The following SRL variants were observed in gnomAD, a reference collection of about 807,000 sequenced individuals.
The protein encoded by SRL is sarcalumenin.
SRL carries 23 observed loss-of-function variants against 39.5 expected under a neutral mutation model. The ratio of observed to expected loss-of-function variants is 0.58; its 90% CI spans 0.42 to 0.82. SRL has a LOEUF of 0.82. SRL is among the 40% of genes least tolerant of loss of function. The pLI is 0.00. For missense variants in SRL, 592 were observed against 607.8 expected (o/e 0.97, Z 0.27); for synonymous variants, 272 against 237.4 (o/e 1.15, Z -1.34).
At chr16:4,230,798 T>A (rs1014302475) in intron 1 of SRL, among the ~76,000 whole-genome samples, 1 of 151,960 alleles carries the variant, frequency 6.6e-6, no homozygotes, top group African/African-American at 2.4e-5. Context: ...CCTTAGGTGA[T>A]GAGGAGAGGA....
intron 4 of SRL, among the ~76,000 whole-genome samples, chr16:4,197,369 C>A (rs2052163045): frequency 6.7e-6 from 1 of 149,884 alleles, no homozygotes; most frequent in Non-Finnish European, 1.5e-5. Context: ...CCATGCACAG[C>A]CTTTTTCAAA....
At chr16:4,204,699 G>T in intron 1 of SRL, 65 bp from the exon 2 acceptor site, 1 of 1,438,796 alleles carries the variant, frequency 7.0e-7, no homozygotes, top group South Asian at 1.1e-5. Flanking sequence ...CTGGGCCCCG[G>T]CACAGCAGAC....
intron 1 of SRL, chr16:4,207,774 G>C (rs1015725230): frequency 1.1e-5 from 5 of 452,948 alleles, no homozygotes; most frequent in Admixed American, 4.8e-5. Context: ...TGGAGGGAGG[G>C]CGCTTGCCAC....
intron 2 of SRL, 47 bp from the exon 3 acceptor site, chr16:4,203,308 C>T (rs1365918667): frequency 5.9e-6 from 9 of 1,534,644 alleles, no homozygotes; most frequent in Middle Eastern, 1.8e-4. Context: ...AGGTGCGATC[C>T]AGGCAGCTCC....
chr16:4,192,855 G>A lies in SRL; in HGVS notation c.720C>T (p.Phe240=). The change falls in exon 6 of 6, where the codon TTC becomes TTT. Residue 240 remains phenylalanine, a synonymous_variant. Transcript: ENST00000399609. This position sits in a 1 kb window ranked among gnomAD's most constrained non-coding sequence, Gnocchi z 4.0. ...LDVGLELEML[F]RQLKGRESQI... The stretch of plus-strand genomic sequence containing the variant: ...GGGATTCACGCCCCTTCAACTGGCG[G>A]AAGAGCATCTCCAGCTCTAGACCCA... 2.5e-6 allele frequency: 4 copies of A among 1,614,180 alleles called. No individual in the cohort carries two copies. Among genetic ancestry groups the A allele is most frequent in the Non-Finnish European group, 3.4e-6 (4 of 1,180,042 alleles).
chr16:4,227,049 T>TG (rs1567188213), intron 1 of SRL, among the ~76,000 whole-genome samples: 13 of 124,838 alleles, frequency 1.0e-4, no homozygotes, highest in African/African-American at 4.0e-4. Context: ...GATGGATGGA[T>TG]GAATGGATGG....
chr16:4,229,907 G>C (rs1303436259), intron 1 of SRL, among the ~76,000 whole-genome samples: 1 of 152,098 alleles, frequency 6.6e-6, no homozygotes, highest in Non-Finnish European at 1.5e-5. Context: ...CTGCGTGCTG[G>C]GGCCTCGTGC....
intron 4 of SRL, among the ~76,000 whole-genome samples, chr16:4,196,300 T>C (rs1363417125): frequency 6.6e-6 from 1 of 151,962 alleles, no homozygotes; most frequent in Non-Finnish European, 1.5e-5. Context: ...TGCAGTTCAG[T>C]GGCATTAAGC....
chr16:4,190,468 G>C lies in SRL; in HGVS notation c.*1685C>G, dbSNP rs747406545. The C allele has an allele frequency of 1.8e-5, 7 of 398,782 alleles. No individual in the cohort carries two copies. The highest frequency in any genetic ancestry group is 8.8e-5 in the Admixed American group (2 of 22,728). The allele number at this position is 398,782 out of a possible 1,614,324, so 24.7% of individuals were successfully genotyped here. On this transcript the variant is annotated 3_prime_UTR_variant, in exon 6 of 6. Transcript: ENST00000399609. ...AGGCAGCCCGGGCTGGGTCTCCTGGGCATGCACAGACTGTGCACCATGCAC... is the reference window on the plus strand; with the variant it reads ...AGGCAGCCCGGGCTGGGTCTCCTGGCCATGCACAGACTGTGCACCATGCAC...
chr16:4,231,740 A>G (rs1305275157), intron 1 of SRL, among the ~76,000 whole-genome samples: 8 of 152,120 alleles, frequency 5.3e-5, no homozygotes, highest in South Asian at 2.1e-4. Flanking sequence ...GTGTTGATGG[A>G]TTCCCCTGGT....
chr16:4,192,284 T>A lies in SRL; in HGVS notation c.1291A>T (p.Ile431Phe). The stretch of plus-strand genomic sequence containing the variant: ...AGCTCCTGAGTGATGGCCCGCTCAA[T>A]CTTCTCCAGAAAGCAACCTCCCATG... ...SYMGGCFLEKIERAITQELPG... is the reference protein window; with the variant it reads ...SYMGGCFLEKFERAITQELPG... The change falls in exon 6 of 6, where the codon ATT becomes TTT. Residue 431 changes from isoleucine (I) to phenylalanine (F), a missense_variant. Transcript: ENST00000399609. This position sits in a 1 kb window ranked among gnomAD's most constrained non-coding sequence, Gnocchi z 4.0. 1 of 1,614,114 alleles carries A rather than the reference T, an allele frequency of 6.2e-7. No homozygotes were observed. Among genetic ancestry groups the A allele is most frequent in the Non-Finnish European group, 8.5e-7 (1 of 1,180,004 alleles).
At position 4,242,055 on chromosome 16, in the gene SRL, C is replaced by T; in HGVS notation, c.13G>A (p.Val5Ile). 6.2e-7 allele frequency: 1 copy of T among 1,612,174 alleles called. No individual in the cohort carries two copies. Among genetic ancestry groups the T allele is most frequent in the Non-Finnish European group, 8.5e-7 (1 of 1,179,592 alleles). ...GAGGCCAGGAGGCAGCCGAGCAGGA[C>T]CAGCGCCCTCATGGTGACTGCCAAG... MRAL[V>I]LLGCLLASLL... The change falls in exon 1 of 6, where the codon GTC becomes ATC. Residue 5 changes from valine to isoleucine, a missense_variant. Physicochemically the swap from Val to Ile is conservative, Grantham distance 29. Coordinates refer to ENST00000399609, the MANE Select transcript of SRL (RefSeq NM_001098814.2).
At chr16:4,236,828 A>C (rs2052718980) in intron 1 of SRL, among the ~76,000 whole-genome samples, 1 of 151,498 alleles carries the variant, frequency 6.6e-6, no homozygotes, top group African/African-American at 2.4e-5. Context: ...TATTTTTAGT[A>C]GAGATGGGGT....
chr16:4,223,851 G>A (rs1158910392), intron 1 of SRL, among the ~76,000 whole-genome samples: 1 of 152,180 alleles, frequency 6.6e-6, no homozygotes. Context: ...GGCTGCACCA[G>A]TCCTGCCCCT....
chr16:4,202,125 A>C (rs1450404065), intron 3 of SRL, among the ~76,000 whole-genome samples: 1 of 152,194 alleles, frequency 6.6e-6, no homozygotes, highest in Non-Finnish European at 1.5e-5. Flanking sequence ...CACGCAGGGG[A>C]GGAGCACACA....
intron 5 of SRL, among the ~76,000 whole-genome samples, chr16:4,194,441 G>A (rs536339533): frequency 6.6e-6 from 1 of 152,286 alleles, no homozygotes; most frequent in Non-Finnish European, 1.5e-5. Flanking sequence ...GTAGGGCTTT[G>A]AAGAAGCCTG....
chr16:4,214,788 G>C (rs75111164), intron 1 of SRL, among the ~76,000 whole-genome samples: 5 of 144,924 alleles, frequency 3.5e-5, no homozygotes, highest in Non-Finnish European at 7.5e-5. Context: ...TTTTTTTTTA[G>C]ACGAAGTCTC....
In SRL at chr16:4,192,297, G is replaced by A. The variant is rs762786657; in HGVS notation, c.1278C>T (p.Cys426=). The change falls in exon 6 of 6, where the codon TGC becomes TGT. Residue 426 remains cysteine, a synonymous_variant. Transcript: ENST00000399609. The surrounding 1 kb of genome is among the most constrained non-coding windows in gnomAD (Gnocchi z 4.0). ...TGGCCCGCTCAATCTTCTCCAGAAA[G>A]CAACCTCCCATGTAGGAGCACTGCT... is the stretch of plus-strand genomic sequence containing the variant. ...LSQQCSYMGG[C]FLEKIERAIT... 32 of 1,614,154 alleles carry A rather than the reference G, an allele frequency of 2.0e-5. No individual in the cohort carries two copies. The highest frequency in any genetic ancestry group is 2.6e-5 in the Non-Finnish European group (31 of 1,180,016).
Position 4,191,920 on chromosome 16 carries a change from C to T in SRL, c.*233G>A. 4.3e-6 allele frequency: 2 copies of T among 462,666 alleles called. No individual in the cohort carries two copies. Among genetic ancestry groups the T allele is most frequent in the Non-Finnish European group, 7.5e-6 (2 of 265,918 alleles). The allele number at this position is 462,666 out of a possible 1,614,324, so 28.7% of individuals were successfully genotyped here. On this transcript the variant is annotated 3_prime_UTR_variant, in exon 6 of 6. Coordinates refer to ENST00000399609, the MANE Select transcript of SRL (RefSeq NM_001098814.2). ...GAAAAGCAGGTGGAGGCTGACTTGC[C>T]TCAATCAGGCCTCCTCATTGAAGCA... is the stretch of plus-strand genomic sequence containing the variant.
Sources: allele counts gnomAD v4.1 joint callset (sites outside exome capture counted in the v4.1 genomes callset), GRCh38; gene constraint gnomAD v4.1.1; non-coding constraint Gnocchi (gnomAD v3.1); transcripts MANE v1.5; gene names NCBI Gene and HGNC (gene_info 2026-07-23, HGNC 2026-07-21).